PDSS1: variants seen among roughly 807,000 people sequenced by gnomAD.
The protein encoded by PDSS1 is decaprenyl diphosphate synthase subunit 1.
A neutral mutation model predicts 57.5 loss-of-function variants in PDSS1; 43 were observed. The observed-to-expected ratio is 0.75, with a 90% CI of 0.59 to 0.96. PDSS1 has a LOEUF of 0.96. Ranked by LOEUF, PDSS1 falls within the 50% of genes least tolerant of loss-of-function variation. The pLI, the probability that PDSS1 is intolerant of heterozygous loss-of-function variation, is 0.00. For missense variants in PDSS1, 438 were observed against 527.8 expected (o/e 0.83, Z 1.67); for synonymous variants, 175 against 191.3 (o/e 0.91, Z 0.70).
intron 8 of PDSS1, among the ~76,000 whole-genome samples, chr10:26,727,037 G>A (rs918933623): frequency 2.0e-5 from 3 of 148,320 alleles, no homozygotes; most frequent in Non-Finnish European, 4.4e-5. Context: ...ATTCCAGCCT[G>A]GGCAATAGAG....
At position 26,697,784 on chromosome 10, in the gene PDSS1, T is replaced by TC; in HGVS notation, c.78dup (p.Gly27ArgfsTer20). The TC allele has an allele frequency of 7.7e-7, 1 of 1,302,458 alleles. No homozygotes were observed. The highest frequency in any genetic ancestry group is 2.9e-4 in the Middle Eastern group (1 of 3,450). 80.7% of individuals were successfully genotyped at this position (1,302,458 alleles called of 1,614,324 possible). ...GGCGGCGCGGAGCCCCGGGCCCGGC[T>TC]CCCCCGGCCGTGCGGGACCGTTGGG... On this transcript the variant is annotated frameshift_variant, in exon 1 of 12. Transcript: ENST00000376215. LOFTEE classifies it high-confidence loss of function.
intron 8 of PDSS1, among the ~76,000 whole-genome samples, chr10:26,733,703 G>A (rs1046247089): frequency 2.6e-5 from 4 of 152,096 alleles, no homozygotes; most frequent in African/African-American, 4.8e-5. Flanking sequence ...AGCCAGGTGC[G>A]GTGGCTCACA....
At chr10:26,721,081 G>A (rs1385986650) in intron 6 of PDSS1, among the ~76,000 whole-genome samples, 1 of 152,024 alleles carries the variant, frequency 6.6e-6, no homozygotes, top group Non-Finnish European at 1.5e-5. Flanking sequence ...TGAGGTGGGT[G>A]GATCACCTGA....
At chr10:26,714,054 A>G (rs891258920) in intron 5 of PDSS1, among the ~76,000 whole-genome samples, 67 of 152,246 alleles carry the variant, frequency 4.4e-4, no homozygotes, top group Middle Eastern at 3.4e-3. Context: ...AGTAATCCCA[A>G]GGGATAATCC....
chr10:26,703,914 T>C (rs902993590), intron 2 of PDSS1, among the ~76,000 whole-genome samples: 51 of 151,696 alleles, frequency 3.4e-4, no homozygotes, highest in African/African-American at 1.2e-3. Context: ...ACCCCATCTC[T>C]ACTAAAAATA....
chr10:26,711,907 T>C lies in PDSS1; in HGVS notation c.467+2139T>C, dbSNP rs902751923. The stretch of plus-strand genomic sequence containing the variant: ...TAATATGTAATACAGTTCATTGCTC[T>C]CAGAAATAAACATGGGAAGGAAATT... On this transcript the variant is annotated intron_variant, in intron 5 of 11. Coordinates refer to ENST00000376215, the MANE Select transcript of PDSS1 (RefSeq NM_014317.5). Among the ~76,000 whole-genome samples, 19 of 97,844 alleles carry C rather than the reference T, an allele frequency of 1.9e-4. 7 individuals are homozygous for C. The highest frequency in any genetic ancestry group is 6.3e-4 in the African/African-American group (19 of 30,182). The allele number at this position is 97,844 out of a possible 152,430, so 64.2% of individuals were successfully genotyped here. A position where few individuals can be genotyped will look rare whatever the true frequency, so the allele number is the denominator to read the frequency against.
chr10:26,732,318 G>A (rs903791782), intron 8 of PDSS1, among the ~76,000 whole-genome samples: 5 of 152,190 alleles, frequency 3.3e-5, no homozygotes, highest in African/African-American at 1.2e-4. Context: ...CTACCCCAGG[G>A]AAATCTGGGA....
rs766516366 is a variant in PDSS1, at chr10:26,735,494, C to T, written c.941C>T (p.Ser314Leu). 15 of 1,613,072 alleles carry T rather than the reference C, an allele frequency of 9.3e-6. No homozygotes were observed. Among genetic ancestry groups the T allele is most frequent in the South Asian group, 4.4e-5 (4 of 91,068 alleles). The change falls in exon 10 of 12, where the codon TCG (serine) becomes TTG (leucine). Residue 314 changes from serine (S) to leucine (L), a missense_variant. By Grantham distance (145) the Ser-to-Leu change is moderately radical (BLOSUM62 -2). Around this residue, in one of 2 missense-constraint regions of PDSS1, gnomAD observed 284 missense variants for 390.7 expected, o/e 0.73. Transcript: ENST00000376215. ...QLIDDVLDFTSCSDQMGKPTS... is the reference protein window; with the variant it reads ...QLIDDVLDFTLCSDQMGKPTS... Reference sequence around the variant, plus strand: ...ATAGATGATGTATTGGACTTCACCTCGTGTTCTGACCAGATGGGCAAACCA... The same window carrying T: ...ATAGATGATGTATTGGACTTCACCTTGTGTTCTGACCAGATGGGCAAACCA...
At position 26,698,058 on chromosome 10, in the gene PDSS1, T is replaced by A. The variant is rs1459647551; in HGVS notation, c.129+218T>A. ...GAAGTAGGGGCGCCCTACACGGGGT[T>A]GCAGAAAGCGGTGTCCTGGGGACCC... On this transcript the variant is annotated intron_variant, in intron 1 of 11. Coordinates refer to ENST00000376215, the MANE Select transcript of PDSS1 (RefSeq NM_014317.5). Among the ~76,000 whole-genome samples, 10 of 151,474 alleles carry A rather than the reference T, an allele frequency of 6.6e-5. No homozygotes were observed. The East Asian group carries it at 2.0e-3, about 30-fold the overall frequency.
intron 8 of PDSS1, among the ~76,000 whole-genome samples, chr10:26,728,015 G>C (rs78901675): frequency 5.8e-4 from 89 of 152,300 alleles, no homozygotes; most frequent in African/African-American, 2.1e-3. Flanking sequence ...GGCGCGTGCT[G>C]TCTTGTCTGT....
intron 8 of PDSS1, among the ~76,000 whole-genome samples, chr10:26,732,882 A>C (rs2132294528): frequency 6.6e-6 from 1 of 152,254 alleles, no homozygotes; most frequent in African/African-American, 2.4e-5. Context: ...GCACTTTGGG[A>C]GGCTGAGGCA....
chr10:26,714,052 C>T (rs1432563344), intron 5 of PDSS1, among the ~76,000 whole-genome samples: 1 of 152,148 alleles, frequency 6.6e-6, no homozygotes, highest in Non-Finnish European at 1.5e-5. Context: ...TCAGTAATCC[C>T]AAGGGATAAT....
chr10:26,700,261 C>T (rs935279027), intron 1 of PDSS1, among the ~76,000 whole-genome samples: 1 of 148,850 alleles, frequency 6.7e-6, no homozygotes, highest in Non-Finnish European at 1.5e-5. Context: ...CCCTCCCCCC[C>T]ACCCCGCTTG....
chr10:26,741,228 T>C (rs377659237), intron 10 of PDSS1, among the ~76,000 whole-genome samples: 19 of 152,238 alleles, frequency 1.2e-4, no homozygotes, highest in African/African-American at 4.6e-4. Context: ...CTCACACCTG[T>C]AATCCCAGCA....
chr10:26,730,416 C>T (rs1486719055), intron 8 of PDSS1, among the ~76,000 whole-genome samples: 1 of 151,678 alleles, frequency 6.6e-6, no homozygotes, highest in East Asian at 2.0e-4. Flanking sequence ...TTGAGACCAG[C>T]CTGGGCAACA....
At chr10:26,725,533 G>A (rs1835923061) in intron 8 of PDSS1, among the ~76,000 whole-genome samples, 1 of 151,496 alleles carries the variant, frequency 6.6e-6, no homozygotes, top group African/African-American at 2.4e-5. Context: ...TTTTTAAAGT[G>A]AGATGGAAGA....
rs190527098 is a variant in PDSS1, at chr10:26,714,348, C to T, written c.467+4580C>T. Among the ~76,000 whole-genome samples the T allele has an allele frequency of 1.0e-3, 157 of 151,920 alleles. 1 individual carries two copies. The highest frequency in any genetic ancestry group is 2.1e-3 in the Non-Finnish European group (140 of 67,978). On this transcript the variant is annotated intron_variant, in intron 5 of 11. Transcript: ENST00000376215. ...AATTAGCCAGTCGTGGTGACACACA[C>T]CTATAAATCCCAGCTACTCAGGAGG...
Position 26,705,334 on chromosome 10 carries a change from C to T in PDSS1, c.276C>T (p.Tyr92=), listed in dbSNP as rs754186785. 3.1e-6 allele frequency: 5 copies of T among 1,613,128 alleles called. No homozygotes were observed. Among genetic ancestry groups the T allele is most frequent in the Non-Finnish European group, 3.4e-6 (4 of 1,179,382 alleles). Residue 92 remains tyrosine (Y), a synonymous_variant, in exon 4 of 12, where the codon TAC becomes TAT. Transcript: ENST00000376215. The part of the protein sequence containing the change: ...PDSKTHSGEK[Y]TDPFKLGWRD... ...GTAAAACACACAGTGGTGAAAAATA[C>T]ACCGATCCTTTCAAACTCGGTTGGA...
chr10:26,725,898 A>C (rs761264203), intron 8 of PDSS1, among the ~76,000 whole-genome samples: 1 of 152,218 alleles, frequency 6.6e-6, no homozygotes, highest in Admixed American at 6.5e-5. Flanking sequence ...CAACATAGCA[A>C]GATCCCCATC....
Sources: gnomAD v4.1 joint callset for allele counts (sites outside exome capture counted in the v4.1 genomes callset) on GRCh38, gnomAD v4.1.1 for gene constraint, gnomAD v4.1.1 regional missense constraint, MANE v1.5 for transcripts, NCBI Gene and HGNC (gene_info 2026-07-23, HGNC 2026-07-21) for gene names.